The following ARHGAP17 variants were observed in gnomAD, a reference collection of about 807,000 sequenced individuals.
The protein encoded by ARHGAP17 is rho GTPase-activating protein 17.
ARHGAP17 carries 57 observed loss-of-function variants against 99.5 expected under a neutral mutation model. The ratio of observed to expected loss-of-function variants is 0.57; its 90% confidence interval spans 0.46 to 0.71. The LOEUF (loss-of-function observed/expected upper bound fraction) is 0.71, where lower values mean the gene tolerates loss of function less well. Ranked by LOEUF, ARHGAP17 falls within the 30% of genes least tolerant of loss-of-function variation. The pLI, the probability that ARHGAP17 is intolerant of heterozygous loss-of-function variation, is 0.00. For synonymous variants in ARHGAP17, 417 were observed against 429.6 expected (o/e 0.97, Z 0.36); for missense variants, 1,000 against 1,122.4 (o/e 0.89, Z 1.56).
At chr16:24,943,612 C>T (rs188361039) in intron 15 of ARHGAP17, among the ~76,000 whole-genome samples, 159 bp downstream of exon 15, 26 of 152,218 alleles carry the variant, frequency 1.7e-4, no homozygotes, top group East Asian at 7.7e-4. Flanking sequence ...ACCATCATGT[C>T]AAAATACAAA....
chr16:24,942,286 A>G, intron 15 of ARHGAP17, 143 bp from the exon 16 acceptor site: 9 of 759,058 alleles, frequency 1.2e-5, no homozygotes, highest in East Asian at 2.7e-5. Context: ...AGGCACTCAC[A>G]TCGCAAGAAT....
chr16:24,959,188 C>A (rs2051905466), intron 9 of ARHGAP17, among the ~76,000 whole-genome samples: 1 of 152,186 alleles, frequency 6.6e-6, no homozygotes, highest in South Asian at 2.1e-4. Flanking sequence ...AACGAAGCGA[C>A]CACGGTCTTA....
intron 1 of ARHGAP17, among the ~76,000 whole-genome samples, chr16:24,994,681 C>T (rs543037250): frequency 5.8e-4 from 88 of 152,200 alleles, no homozygotes; most frequent in African/African-American, 1.9e-3. Flanking sequence ...GTATTATTAC[C>T]CCCGTGTTAC....
At chr16:25,008,846 T>G (rs1444563299) in intron 1 of ARHGAP17, among the ~76,000 whole-genome samples, 1 of 152,168 alleles carries the variant, frequency 6.6e-6, no homozygotes. Context: ...GTTCATTTCT[T>G]CCCCCCAGTA....
intron 13 of ARHGAP17, 122 bp downstream of exon 13, chr16:24,949,282 G>T: frequency 1.5e-6 from 1 of 680,414 alleles, no homozygotes; most frequent in Non-Finnish European, 2.4e-6. Flanking sequence ...CCAAAGTGAT[G>T]TGGTTTTTTT....
At chr16:24,998,628 C>G (rs1470810518) in intron 1 of ARHGAP17, among the ~76,000 whole-genome samples, 3 of 152,202 alleles carry the variant, frequency 2.0e-5, no homozygotes, top group African/African-American at 7.2e-5. Context: ...AAAACTAAGC[C>G]AAGCGCTGGA....
intron 1 of ARHGAP17, among the ~76,000 whole-genome samples, chr16:24,989,168 A>C (rs1312189880): frequency 6.6e-6 from 1 of 152,138 alleles, no homozygotes; most frequent in Admixed American, 6.5e-5. Context: ...GGCTCCCTCC[A>C]CACCTGGGCT....
chr16:24,990,771 C>CT (rs11371621), intron 1 of ARHGAP17, among the ~76,000 whole-genome samples: 67,101 of 135,248 alleles, frequency 0.5, 16,524 homozygotes, highest in East Asian at 0.64. Context: ...TGGGGCTTGG[C>CT]TTTTTTTTTT....
intron 3 of ARHGAP17, among the ~76,000 whole-genome samples, chr16:24,973,291 GTC>G (rs1156750246): frequency 3.3e-5 from 5 of 152,322 alleles, no homozygotes; most frequent in East Asian, 1.9e-4. Context: ...CCTGCCTCAT[GTC>G]TCTCTCTTCC....
At chr16:24,983,301 G>A (rs1037743696) in intron 1 of ARHGAP17, among the ~76,000 whole-genome samples, 4 of 150,202 alleles carry the variant, frequency 2.7e-5, no homozygotes, top group Admixed American at 6.7e-5. Context: ...CACCGTACGC[G>A]GCCAGATTTT....
chr16:24,935,992 CCAA>C, intron 17 of ARHGAP17: 1 of 340,652 alleles, frequency 2.9e-6, no homozygotes, highest in East Asian at 8.0e-5. Flanking sequence ...AGACTGGACT[CCAA>C]CGACTCTGCC....
At chr16:25,003,602 T>G (rs143619041) in intron 1 of ARHGAP17, among the ~76,000 whole-genome samples, 1 of 152,058 alleles carries the variant, frequency 6.6e-6, no homozygotes, top group Non-Finnish European at 1.5e-5. Flanking sequence ...GGAGGGCTGA[T>G]TGCTTGAGGC....
At chr16:24,939,715 G>T in intron 16 of ARHGAP17, 118 bp from the exon 17 acceptor site, 1 of 1,106,684 alleles carries the variant, frequency 9.0e-7, no homozygotes, top group South Asian at 1.4e-5. Flanking sequence ...TGCCCGGCAT[G>T]CAGTGAAGCG....
chr16:24,993,102 C>T (rs2053096693), intron 1 of ARHGAP17, among the ~76,000 whole-genome samples: 1 of 152,110 alleles, frequency 6.6e-6, no homozygotes, highest in African/African-American at 2.4e-5. Flanking sequence ...AACGTGCTGG[C>T]ATTGTAGGCA....
chr16:24,961,397 G>A (rs1312549834), intron 7 of ARHGAP17, among the ~76,000 whole-genome samples: 1 of 150,926 alleles, frequency 6.6e-6, no homozygotes, highest in South Asian at 2.1e-4. Context: ...GAGTGTGGTG[G>A]CTCACACCTA....
At chr16:25,005,463 A>C (rs1366615245) in intron 1 of ARHGAP17, among the ~76,000 whole-genome samples, 1 of 152,250 alleles carries the variant, frequency 6.6e-6, no homozygotes, top group Non-Finnish European at 1.5e-5. Context: ...AATACATCAA[A>C]GAATGGCATT....
At position 24,990,058 on chromosome 16, in the gene ARHGAP17, G is replaced by A. The variant is rs138274912; in HGVS notation, c.54-11053C>T. Among the ~76,000 whole-genome samples the A allele has an allele frequency of 1.7e-3, 266 of 152,316 alleles. 2 individuals carry two copies. Among genetic ancestry groups the A allele is most frequent in the African/African-American group, 6.0e-3 (250 of 41,572 alleles). Reference sequence around the variant, plus strand: ...CACAAACGTTCAAGGTGATGGATACGATAATTATGCTGATTTGATCATTAC... The same window carrying A: ...CACAAACGTTCAAGGTGATGGATACAATAATTATGCTGATTTGATCATTAC... On this transcript the variant is annotated intron_variant, in intron 1 of 19. Coordinates refer to ENST00000289968, the MANE Select transcript of ARHGAP17 (RefSeq NM_001006634.3).
chr16:24,951,892 G>T (rs1202051588), intron 12 of ARHGAP17, among the ~76,000 whole-genome samples: 1 of 152,148 alleles, frequency 6.6e-6, no homozygotes, highest in Non-Finnish European at 1.5e-5. Flanking sequence ...TCCCCATGCT[G>T]TTTAAAGGCC....
intron 1 of ARHGAP17, among the ~76,000 whole-genome samples, chr16:25,009,953 A>T (rs980050566): frequency 6.6e-6 from 1 of 152,208 alleles, no homozygotes; most frequent in African/African-American, 2.4e-5. Flanking sequence ...CCTGGTGAAG[A>T]GGCAGCCCAG....
Sources: allele counts gnomAD v4.1 joint callset (sites outside exome capture counted in the v4.1 genomes callset), GRCh38; gene constraint gnomAD v4.1.1; transcripts MANE v1.5; gene names NCBI Gene and HGNC (gene_info 2026-07-23, HGNC 2026-07-21).